Variants in PPP1R12B observed in about 807,000 individuals in gnomAD.
PPP1R12B encodes protein phosphatase 1 regulatory subunit 12B.
In PPP1R12B, 76 loss-of-function variants were observed where a neutral mutation model predicts 126.1. That is an observed-to-expected ratio of 0.60 (90% CI 0.50 to 0.73). The LOEUF (loss-of-function observed/expected upper bound fraction) is 0.73, where lower values mean the gene tolerates loss of function less well. PPP1R12B is among the 30% of genes least tolerant of loss of function. PPP1R12B has a pLI of 0.00. For missense variants in PPP1R12B, 1,052 were observed against 1,205.1 expected, an observed-to-expected ratio of 0.87 and a Z score of 1.88; for synonymous variants, 356 against 434.7, an observed-to-expected ratio of 0.82 and a Z score of 2.25.
intron 13 of PPP1R12B, among the ~76,000 whole-genome samples, chr1:202,460,920 T>C (rs1674230438): frequency 6.6e-6 from 1 of 152,178 alleles, no homozygotes; most frequent in African/African-American, 2.4e-5. Context: ...TTCAGTGTCA[T>C]ATGGCACCTC....
At chr1:202,500,845 T>A (rs1187723221) in intron 18 of PPP1R12B, among the ~76,000 whole-genome samples, 2 of 152,322 alleles carry the variant, frequency 1.3e-5, no homozygotes, top group Non-Finnish European at 2.9e-5. Flanking sequence ...TACGTACTAT[T>A]ATAATGCATC....
Position 202,562,911 on chromosome 1 carries a change from G to A in PPP1R12B, c.2641G>A (p.Asp881Asn). ...TSRVEEDSNRDYKKLYESALT... is the reference protein window; with the variant it reads ...TSRVEEDSNRNYKKLYESALT... ...CCGTGTAGAAGAAGACAGCAACAGA[G>A]ATTATAAAAAAGTAGGGTCTTTATT... The change falls in exon 20 of 24, where the codon GAT (aspartate) becomes AAT (asparagine). Residue 881 changes from aspartate to asparagine, a missense_variant. Coordinates refer to ENST00000608999, the MANE Select transcript of PPP1R12B (RefSeq NM_002481.4). The A allele has an allele frequency of 6.4e-7, 1 of 1,572,466 alleles. No individual in the cohort carries two copies. Among genetic ancestry groups the A allele is most frequent in the Non-Finnish European group, 8.6e-7 (1 of 1,164,376 alleles).
intron 18 of PPP1R12B, among the ~76,000 whole-genome samples, chr1:202,547,591 A>T (rs1375296698): frequency 3.3e-5 from 5 of 152,214 alleles, no homozygotes; most frequent in African/African-American, 1.2e-4. Flanking sequence ...TTTGTATGAA[A>T]AGTTAAATAT....
In PPP1R12B at chr1:202,439,614, C is replaced by G. The variant is rs1361598456; in HGVS notation, c.1459-1092C>G. ...CCCTCTGTACACCATGGACCCTGCCCTGTGCTCCATAACTCCCCCAGGCTC... is the reference window on the plus strand; with the variant it reads ...CCCTCTGTACACCATGGACCCTGCCGTGTGCTCCATAACTCCCCCAGGCTC... On this transcript the variant is annotated intron_variant, in intron 10 of 23. Transcript: ENST00000608999. 4.4e-5 allele frequency: 43 copies of G among 984,806 alleles called. No homozygotes were observed. The East Asian group carries it at 1.1e-3, about 26-fold the overall frequency. 61.0% of individuals were successfully genotyped at this position (984,806 alleles called of 1,614,324 possible).
intron 18 of PPP1R12B, among the ~76,000 whole-genome samples, chr1:202,524,009 G>A (rs1417272403): frequency 3.3e-5 from 5 of 152,128 alleles, no homozygotes; most frequent in African/African-American, 7.2e-5. Flanking sequence ...TACCGTGCCC[G>A]GCCAATCTGA....
At chr1:202,397,349 TTTCTC>T (rs1397898502) in intron 1 of PPP1R12B, among the ~76,000 whole-genome samples, 1 of 152,212 alleles carries the variant, frequency 6.6e-6, no homozygotes, top group Non-Finnish European at 1.5e-5. Context: ...TTGTTTTTCT[TTTCTC>T]TTCTCTGGTT....
intron 13 of PPP1R12B, among the ~76,000 whole-genome samples, chr1:202,451,819 C>T (rs1176661369): frequency 2.0e-5 from 3 of 151,140 alleles, no homozygotes; most frequent in East Asian, 2.0e-4. Context: ...ACCTCCCTCC[C>T]GGACGGGGCA....
chr1:202,566,694 T>C (rs1380490640), intron 21 of PPP1R12B, among the ~76,000 whole-genome samples: 1 of 152,180 alleles, frequency 6.6e-6, no homozygotes, highest in African/African-American at 2.4e-5. Context: ...TTCTGCTTCA[T>C]AGTAGATGCA....
At chr1:202,554,517 G>A (rs1256109870) in intron 18 of PPP1R12B, among the ~76,000 whole-genome samples, 1 of 151,962 alleles carries the variant, frequency 6.6e-6, no homozygotes, top group Non-Finnish European at 1.5e-5. Context: ...GCTAAGGTTA[G>A]CCCCTGAAGG....
intron 1 of PPP1R12B, among the ~76,000 whole-genome samples, chr1:202,357,315 A>T (rs1394019503): frequency 6.6e-6 from 1 of 152,224 alleles, no homozygotes; most frequent in Non-Finnish European, 1.5e-5. Flanking sequence ...AAGGAAATTG[A>T]GGAGAAGGCC....
chr1:202,435,176 C>G (rs1427818498), intron 9 of PPP1R12B, among the ~76,000 whole-genome samples: 1 of 152,202 alleles, frequency 6.6e-6, no homozygotes, highest in Non-Finnish European at 1.5e-5. Flanking sequence ...AGACCCTTAT[C>G]TCCAAATATA....
intron 19 of PPP1R12B, among the ~76,000 whole-genome samples, chr1:202,560,176 T>C (rs1687372289): frequency 6.6e-6 from 1 of 152,078 alleles, no homozygotes; most frequent in South Asian, 2.1e-4. Flanking sequence ...AGAAAAGTGT[T>C]TTACCATAAA....
intron 1 of PPP1R12B, among the ~76,000 whole-genome samples, chr1:202,396,047 T>A (rs1664934714): frequency 6.6e-6 from 1 of 152,250 alleles, no homozygotes; most frequent in Non-Finnish European, 1.5e-5. Flanking sequence ...CTGAGCATTC[T>A]ACTTCCTCCC....
At chr1:202,574,876 T>C in intron 23 of PPP1R12B, 1 of 951,428 alleles carries the variant, frequency 1.1e-6, no homozygotes, top group East Asian at 2.6e-5. Context: ...ATTTCCTTTC[T>C]TGCATGCAAA....
rs186137777 is a variant in PPP1R12B at position 202,355,938 on chromosome 1, G to C, written c.291+6796G>C. ...TAATCCCAGCACTTTGGGAGGCCAA[G>C]GCGGGAGGATTGCTGGAGACCAGGA... On this transcript the variant is annotated intron_variant, in intron 1 of 23. Coordinates refer to ENST00000608999, the MANE Select transcript of PPP1R12B (RefSeq NM_002481.4). 1.2e-3 allele frequency among the ~76,000 whole-genome samples: 177 copies of C among 152,268 alleles called. 1 individual carries two copies. The highest frequency in any genetic ancestry group is 4.1e-3 in the African/African-American group (170 of 41,546).
rs1690126833 is a variant in PPP1R12B at position 202,591,734 on chromosome 1, C to G, written c.*11174C>G. Reference sequence around the variant, plus strand: ...CCTCCTCCATCACCACCCACAGACCCTCACACTACAGAGGTGAGTAAGCAG... The same window carrying G: ...CCTCCTCCATCACCACCCACAGACCGTCACACTACAGAGGTGAGTAAGCAG... On this transcript the variant is annotated 3_prime_UTR_variant, in exon 24 of 24. Transcript: ENST00000608999. 1 of 152,626 alleles carries G rather than the reference C, an allele frequency of 6.6e-6. No individual in the cohort carries two copies. The highest frequency in any genetic ancestry group is 2.4e-5 in the African/African-American group (1 of 41,322). The allele number at this position is 152,626 out of a possible 1,614,324, so 9.5% of individuals were successfully genotyped here.
At chr1:202,376,717 A>G (rs1379738587) in intron 1 of PPP1R12B, among the ~76,000 whole-genome samples, 1 of 152,168 alleles carries the variant, frequency 6.6e-6, no homozygotes, top group Non-Finnish European at 1.5e-5. Flanking sequence ...GTAAAGGAAT[A>G]TGGGAAGGAT....
chr1:202,350,030 A>T (rs2148356187), intron 1 of PPP1R12B, among the ~76,000 whole-genome samples: 1 of 152,306 alleles, frequency 6.6e-6, no homozygotes, highest in East Asian at 1.9e-4. Context: ...TGAGAGCCGG[A>T]CACCCACTCT....
chr1:202,440,814 G>A (rs1469384468), intron 11 of PPP1R12B, 26 bp downstream of exon 11: 1 of 1,578,476 alleles, frequency 6.3e-7, no homozygotes, highest in South Asian at 1.1e-5. Flanking sequence ...GCCAAAAGAT[G>A]GTCCTCATCC....
Sources: allele counts gnomAD v4.1 joint callset (sites outside exome capture counted in the v4.1 genomes callset), GRCh38; gene constraint gnomAD v4.1.1; transcripts MANE v1.5; gene names NCBI Gene and HGNC (gene_info 2026-07-23, HGNC 2026-07-21).